GPATCH1: variants seen among roughly 807,000 people sequenced by gnomAD.
GPATCH1 encodes G-patch domain containing 1.
Under a neutral mutation model 114.9 loss-of-function variants are expected in GPATCH1, and 73 were observed. The ratio of observed to expected loss-of-function variants is 0.64; its 90% CI spans 0.53 to 0.77. The LOEUF is 0.77. Ranked by LOEUF, GPATCH1 falls within the 30% of genes least tolerant of loss-of-function variation. GPATCH1 has a pLI of 0.00. For missense variants in GPATCH1, 1,058 were observed against 1,144.3 expected (o/e 0.92, Z 1.09); for synonymous variants, 391 against 428.4 (o/e 0.91, Z 1.08).
chr19:33,120,032 ATATATT>A lies in GPATCH1; in HGVS notation c.2521+923_2521+928del, dbSNP rs1195045195. ...ATATATTTTATATATTTATATATTTATATATTTATATTTTATATATTTATACTTATA... is the reference window on the plus strand; with the variant it reads ...ATATATTTTATATATTTATATATTTATATATTTTATATATTTATACTTATA... On this transcript the variant is annotated intron_variant, in intron 17 of 19. Transcript: ENST00000170564. Among the ~76,000 whole-genome samples, 3 of 139,660 alleles carry A rather than the reference ATATATT, an allele frequency of 2.1e-5. No homozygotes were observed. The Admixed American group carries it at 2.2e-4, about 10-fold the overall frequency. The allele number at this position is 139,660 out of a possible 152,430, so 91.6% of individuals were successfully genotyped here.
intron 7 of GPATCH1, among the ~76,000 whole-genome samples, chr19:33,096,849 G>A (rs981210646): frequency 1.3e-5 from 2 of 152,054 alleles, no homozygotes; most frequent in Middle Eastern, 3.4e-3. Context: ...GGCTGGTCTC[G>A]AACTCCTGAC....
chr19:33,092,832 A>G (rs147382299), intron 3 of GPATCH1, among the ~76,000 whole-genome samples: 2 of 152,096 alleles, frequency 1.3e-5, no homozygotes, highest in Non-Finnish European at 1.5e-5. Context: ...GGCCCTAATG[A>G]GCAGCGACTA....
At chr19:33,109,061 A>G (rs1972819333) in intron 10 of GPATCH1, among the ~76,000 whole-genome samples, 1 of 152,054 alleles carries the variant, frequency 6.6e-6, no homozygotes, top group Non-Finnish European at 1.5e-5. Flanking sequence ...TACAAAAAAT[A>G]CAAAAAGTAG....
chr19:33,113,889 AC>A lies in GPATCH1; in HGVS notation c.2017del (p.Arg673GlufsTer28), dbSNP rs1236055529. ...TQASSEKVSQ[H>X]RGPDKSRKPS... ...GCATCAAGTGAAAAAGTATCACAGC[AC>A]CGAGGTCCCGACAGTGAGTAGGGCG... On this transcript the variant is annotated frameshift_variant, in exon 14 of 20. Coordinates refer to ENST00000170564, the MANE Select transcript of GPATCH1 (RefSeq NM_018025.3). LOFTEE classifies it high-confidence loss of function. The A allele has an allele frequency of 2.5e-6, 4 of 1,613,940 alleles. No individual in the cohort carries two copies. In the Admixed American group the frequency reaches 5.0e-5, roughly 20 times the overall value.
rs926480671 is a variant in GPATCH1 at position 33,096,235 on chromosome 19, A to G, written c.641A>G (p.Asn214Ser). ...EGEDDDYLPD[N>S]VTFAPKDVTP... ...GAAGATGATGACTACTTGCCTGATA[A>G]TGTGACCTTTGCACCCAAAGATGTC... The change falls in exon 7 of 20, where the codon AAT becomes AGT. Residue 214 changes from asparagine (N) to serine (S), a missense_variant. Around this residue, in one of 3 missense-constraint regions of GPATCH1, gnomAD observed 893 missense variants for 977.4 expected, o/e 0.91. Transcript: ENST00000170564. The G allele has an allele frequency of 3.7e-6, 6 of 1,613,820 alleles. No individual in the cohort carries two copies. Among genetic ancestry groups the G allele is most frequent in the Non-Finnish European group, 5.1e-6 (6 of 1,179,694 alleles).
At chr19:33,126,796 G>T (rs1973047090) in intron 19 of GPATCH1, 63 bp downstream of exon 19, 14 of 1,367,588 alleles carry the variant, frequency 1.0e-5, no homozygotes, top group Non-Finnish European at 1.4e-5. Flanking sequence ...TGCTTGATGT[G>T]TTTGCTTAGA....
In GPATCH1 at chr19:33,109,974, C is replaced by T. The variant is rs1972832488; in HGVS notation, c.1543C>T (p.Arg515Ter). 3 of 1,613,796 alleles carry T rather than the reference C, an allele frequency of 1.9e-6. No homozygotes were observed. The highest frequency in any genetic ancestry group is 2.5e-6 in the Non-Finnish European group (3 of 1,179,900). The change falls in exon 11 of 20, where the codon CGA (arginine) becomes TGA (stop). Residue 515 changes from arginine (R) to a stop codon, truncating the protein, a stop_gained. Transcript: ENST00000170564. LOFTEE classifies it high-confidence loss of function. ...CGCCAAAGATCCGGAAAAGCAAAAG[C>T]GATACGACGAGTTCTTAGTACACAT... ...PFAKDPEKQK[R>*]YDEFLVHMKQ...
At chr19:33,128,322 G>A (rs963164538) in intron 19 of GPATCH1, among the ~76,000 whole-genome samples, 4 of 152,050 alleles carry the variant, frequency 2.6e-5, no homozygotes, top group Non-Finnish European at 5.9e-5. Flanking sequence ...GTGCAGTGGC[G>A]CGATCTTGGC....
At chr19:33,118,165 A>T (rs557491140) in intron 16 of GPATCH1, 124 bp downstream of exon 16, 4 of 503,094 alleles carry the variant, frequency 8.0e-6, no homozygotes, top group East Asian at 3.5e-5. Flanking sequence ...GTAATCTTTT[A>T]TATGTATATA....
chr19:33,095,940 C>T (rs2145310692), intron 6 of GPATCH1, 120 bp downstream of exon 6: 2 of 815,882 alleles, frequency 2.5e-6, no homozygotes, highest in South Asian at 1.4e-5. Context: ...GTTAAATACT[C>T]ATACCCTAAA....
In GPATCH1 at chr19:33,117,999, T is replaced by G; in HGVS notation, c.2371T>G (p.Ser791Ala). The change falls in exon 16 of 20, where the codon TCC (serine) becomes GCC (alanine). Residue 791 changes from serine to alanine, a missense_variant. Around this residue, in one of 3 missense-constraint regions of GPATCH1, gnomAD observed 893 missense variants for 977.4 expected, o/e 0.91. Transcript: ENST00000170564. ...CTCTGGGGAGGCCAACTTCCAAAGC[T>G]CCCAAGACACTGACTTGGGGGAAAC... ...AGSGEANFQSSQDTDLGETSS... is the reference protein window; with the variant it reads ...AGSGEANFQSAQDTDLGETSS... 1 of 1,613,446 alleles carries G rather than the reference T, an allele frequency of 6.2e-7. No homozygotes were observed. The highest frequency in any genetic ancestry group is 8.5e-7 in the Non-Finnish European group (1 of 1,179,802).
intron 5 of GPATCH1, among the ~76,000 whole-genome samples, chr19:33,095,040 T>C (rs1256629309): frequency 2.0e-5 from 3 of 152,078 alleles, no homozygotes; most frequent in Non-Finnish European, 4.4e-5. Flanking sequence ...GGAGCGCACC[T>C]GTAGTCCCAG....
chr19:33,116,780 C>T (rs1301451810), intron 15 of GPATCH1, among the ~76,000 whole-genome samples: 3 of 152,124 alleles, frequency 2.0e-5, no homozygotes, highest in South Asian at 2.1e-4. Flanking sequence ...CCACCCGCCT[C>T]GGCCTCCCAA....
chr19:33,115,805 T>G (rs1301177798), intron 15 of GPATCH1, among the ~76,000 whole-genome samples: 1 of 152,222 alleles, frequency 6.6e-6, no homozygotes, highest in Admixed American at 6.5e-5. Flanking sequence ...AAAGTGGGTT[T>G]CTTATAAACA....
rs971950432 is a variant in GPATCH1 at position 33,130,320 on chromosome 19, G to A, written c.*160G>A. 23 of 455,096 alleles carry A rather than the reference G, an allele frequency of 5.1e-5. No homozygotes were observed. The highest frequency in any genetic ancestry group is 8.1e-5 in the Admixed American group (2 of 24,828). 28.2% of individuals were successfully genotyped at this position (455,096 alleles called of 1,614,324 possible). A position where few individuals can be genotyped will look rare whatever the true frequency, so the allele number is the denominator to read the frequency against. On this transcript the variant is annotated 3_prime_UTR_variant, in exon 20 of 20. Transcript: ENST00000170564. Reference sequence around the variant, plus strand: ...ATTTCAAAGACTGCCTTGAAAGGTCGCAGAAATTGATTTCTATTTTTAATT... The same window carrying A: ...ATTTCAAAGACTGCCTTGAAAGGTCACAGAAATTGATTTCTATTTTTAATT...
chr19:33,106,603 GT>G (rs2145322124), intron 9 of GPATCH1, 91 bp from the exon 10 acceptor site: 1 of 1,050,588 alleles, frequency 9.5e-7, no homozygotes, highest in East Asian at 2.4e-5. Flanking sequence ...AAGGGGCGGG[GT>G]TAACAAGGCT....
chr19:33,124,796 A>G (rs941974964), intron 17 of GPATCH1, among the ~76,000 whole-genome samples: 3 of 152,202 alleles, frequency 2.0e-5, no homozygotes, highest in African/African-American at 7.2e-5. Flanking sequence ...ATGTTGGATT[A>G]CAAAAGGCTT....
In GPATCH1 at chr19:33,112,627, A is replaced by G. The variant is rs933915395; in HGVS notation, c.1892+14A>G. On this transcript the variant is annotated intron_variant, in intron 13 of 19. Coordinates refer to ENST00000170564, the MANE Select transcript of GPATCH1 (RefSeq NM_018025.3). ...CCCTTATCCAGAGTAAGTTGGATAA[A>G]CCTTTACATCAGTACAAAATGTATT... The G allele has an allele frequency of 1.9e-6, 3 of 1,607,168 alleles. No homozygotes were observed. Among genetic ancestry groups the G allele is most frequent in the Non-Finnish European group, 2.6e-6 (3 of 1,174,028 alleles).
At chr19:33,116,576 CTGGAGGGCAG>C (rs1478703442) in intron 15 of GPATCH1, among the ~76,000 whole-genome samples, 1 of 152,188 alleles carries the variant, frequency 6.6e-6, no homozygotes, top group East Asian at 1.9e-4. Context: ...GTCACCCAGG[CTGGAGGGCAG>C]TGGCGCGATC....
Sources: gnomAD v4.1 joint callset for allele counts (sites outside exome capture counted in the v4.1 genomes callset) on GRCh38, gnomAD v4.1.1 for gene constraint, gnomAD v4.1.1 regional missense constraint, MANE v1.5 for transcripts, NCBI Gene and HGNC (gene_info 2026-07-23, HGNC 2026-07-21) for gene names.